Variants in SLC14A2 observed in about 807,000 individuals in gnomAD.
SLC14A2 encodes the protein urea transporter 2.
SLC14A2 carries 91 observed loss-of-function variants against 104.6 expected under a neutral mutation model. That is an observed-to-expected ratio of 0.87 (90% CI 0.73 to 1.04). The LOEUF is 1.04. SLC14A2 is among the 50% of genes least tolerant of loss of function. SLC14A2 has a pLI of 0.00. For synonymous variants in SLC14A2, 476 were observed against 466.4 expected (o/e 1.02, Z -0.27); for missense variants, 1,189 against 1,156.0 (o/e 1.03, Z -0.41).
At chr18:45,249,417 TG>T (rs1292162187) in intron 1 of SLC14A2, among the ~76,000 whole-genome samples, 1 of 151,950 alleles carries the variant, frequency 6.6e-6, no homozygotes. Context: ...TTCTAAGCAT[TG>T]TTTTTTTTTT....
chr18:45,319,714 C>T (rs1904688536), intron 1 of SLC14A2, among the ~76,000 whole-genome samples: 1 of 152,214 alleles, frequency 6.6e-6, no homozygotes, highest in African/African-American at 2.4e-5. Context: ...TCCAGGCCCC[C>T]TCCCAACATA....
chr18:45,408,990 C>A (rs1424072088), intron 1 of SLC14A2, among the ~76,000 whole-genome samples: 2 of 152,170 alleles, frequency 1.3e-5, no homozygotes, highest in African/African-American at 4.8e-5. Flanking sequence ...TAACAAAATG[C>A]AATCTGGGAT....
intron 1 of SLC14A2, among the ~76,000 whole-genome samples, chr18:45,248,171 G>A (rs531103884): frequency 7.4e-4 from 112 of 152,244 alleles, no homozygotes; most frequent in African/African-American, 2.6e-3. Context: ...AGGAAATGTA[G>A]GGAGGTGGCA....
At chr18:45,426,851 G>C (rs1334678215) in intron 1 of SLC14A2, among the ~76,000 whole-genome samples, 1 of 152,024 alleles carries the variant, frequency 6.6e-6, no homozygotes, top group Non-Finnish European at 1.5e-5. Context: ...GGTCATGTGA[G>C]TGTGTGTTAG....
chr18:45,224,493 G>A (rs1403927737), intron 1 of SLC14A2, among the ~76,000 whole-genome samples: 1 of 152,158 alleles, frequency 6.6e-6, no homozygotes, highest in Non-Finnish European at 1.5e-5. Context: ...AGAACATGGG[G>A]CTCTGAGGGC....
At chr18:45,275,726 T>C (rs1355679000) in intron 1 of SLC14A2, among the ~76,000 whole-genome samples, 1 of 152,234 alleles carries the variant, frequency 6.6e-6, no homozygotes, top group Non-Finnish European at 1.5e-5. Flanking sequence ...GGAAGTAGTC[T>C]CATTAAAGAG....
intron 1 of SLC14A2, among the ~76,000 whole-genome samples, chr18:45,284,337 G>GT (rs1418775666): frequency 2.0e-5 from 3 of 152,154 alleles, no homozygotes; most frequent in South Asian, 4.1e-4. Flanking sequence ...TTTTGACTTG[G>GT]TTTGGCCAAT....
At chr18:45,485,625 C>T (rs2087588474) in intron 2 of SLC14A2, among the ~76,000 whole-genome samples, 1 of 152,168 alleles carries the variant, frequency 6.6e-6, no homozygotes, top group Non-Finnish European at 1.5e-5. Flanking sequence ...GCATCACAAA[C>T]CCTAGTAGGC....
chr18:45,358,534 T>C (rs1327546544), intron 1 of SLC14A2, among the ~76,000 whole-genome samples: 1 of 152,162 alleles, frequency 6.6e-6, no homozygotes, highest in East Asian at 1.9e-4. Flanking sequence ...AGGAATACAA[T>C]GAAACACTCA....
At chr18:45,442,977 T>TG (rs1399503963) in intron 1 of SLC14A2, among the ~76,000 whole-genome samples, 7 of 152,216 alleles carry the variant, frequency 4.6e-5, no homozygotes. Flanking sequence ...TGTCAATATG[T>TG]GGGCCAGCTG....
At chr18:45,338,326 G>T (rs538769738) in intron 1 of SLC14A2, among the ~76,000 whole-genome samples, 2 of 151,936 alleles carry the variant, frequency 1.3e-5, no homozygotes, top group East Asian at 3.9e-4. Flanking sequence ...TCAGCCTCCC[G>T]ATTAGCTGGG....
chr18:45,604,530 C>G (rs530891102), intron 2 of SLC14A2, among the ~76,000 whole-genome samples: 1 of 152,104 alleles, frequency 6.6e-6, no homozygotes, highest in Non-Finnish European at 1.5e-5. Context: ...CAGTAACAAA[C>G]AGGTCCACAT....
At chr18:45,631,220 G>C (rs2045340321) in intron 4 of SLC14A2, among the ~76,000 whole-genome samples, 1 of 152,150 alleles carries the variant, frequency 6.6e-6, no homozygotes, top group Non-Finnish European at 1.5e-5. Flanking sequence ...GACATTGCTG[G>C]GTTACTGGGC....
intron 2 of SLC14A2, among the ~76,000 whole-genome samples, chr18:45,515,275 G>A (rs749551348): frequency 2.3e-4 from 35 of 152,332 alleles, no homozygotes; most frequent in Middle Eastern, 3.4e-3. Flanking sequence ...ATTGACTGTA[G>A]CCTCACTGAG....
chr18:45,443,197 C>G (rs560917118), intron 1 of SLC14A2, among the ~76,000 whole-genome samples: 25 of 152,292 alleles, frequency 1.6e-4, no homozygotes, highest in African/African-American at 4.3e-4. Flanking sequence ...CTGAAAATCA[C>G]TGACAAGAGG....
chr18:45,566,176 C>T (rs1030615705), intron 2 of SLC14A2, among the ~76,000 whole-genome samples: 1 of 151,916 alleles, frequency 6.6e-6, no homozygotes. Context: ...CTGGGCTAGG[C>T]GTTCAGCACT....
At chr18:45,170,961 C>T in the SLC14A2 span, among the ~76,000 whole-genome samples, 1 of 151,990 alleles carries the variant, frequency 6.6e-6, no homozygotes, top group Non-Finnish European at 1.5e-5. Flanking sequence ...AATTTCTAAT[C>T]TAGTTAGGGA....
At chr18:45,229,672 C>T (rs917561837) in intron 1 of SLC14A2, among the ~76,000 whole-genome samples, 1 of 152,162 alleles carries the variant, frequency 6.6e-6, no homozygotes, top group Admixed American at 6.5e-5. Flanking sequence ...TCAGCTCAAA[C>T]TCTTCATCTT....
intron 1 of SLC14A2, among the ~76,000 whole-genome samples, chr18:45,382,431 CT>C (rs2144385754): frequency 6.6e-6 from 1 of 152,270 alleles, no homozygotes; most frequent in African/African-American, 2.4e-5. Flanking sequence ...TAGGGGAAGA[CT>C]TCATGCAAAA....
Sources: allele counts gnomAD v4.1 joint callset (sites outside exome capture counted in the v4.1 genomes callset), GRCh38; gene constraint gnomAD v4.1.1; transcripts MANE v1.5; gene names NCBI Gene and HGNC (gene_info 2026-07-23, HGNC 2026-07-21).